PTPRD: variants seen among roughly 807,000 people sequenced by gnomAD.
PTPRD encodes the protein protein tyrosine phosphatase receptor type D.
A neutral mutation model predicts 214.5 loss-of-function variants in PTPRD; 34 were observed. The observed-to-expected ratio is 0.16, with a 90% CI of 0.12 to 0.21. The LOEUF is 0.21. Ranked by LOEUF, PTPRD falls within the 10% of genes least tolerant of loss-of-function variation. The probability of loss-of-function intolerance (pLI) is 1.00; values close to 1 mark genes in which losing one functional copy is unlikely to be tolerated. For synonymous variants in PTPRD, 1,128 were observed against 845.7 expected, an observed-to-expected ratio of 1.33 and a Z score of -5.79; for missense variants, 2,545 against 2,398.7, an observed-to-expected ratio of 1.06 and a Z score of -1.27.
intron 2 of PTPRD, among the ~76,000 whole-genome samples, chr9:10,585,517 T>C (rs2073607171): frequency 6.6e-6 from 1 of 152,052 alleles, no homozygotes; most frequent in Non-Finnish European, 1.5e-5. Flanking sequence ...CCCAAAGAAT[T>C]TCAGGGCTGA....
At chr9:9,163,066 C>T (rs1228594165) in intron 10 of PTPRD, among the ~76,000 whole-genome samples, 3 of 152,066 alleles carry the variant, frequency 2.0e-5, no homozygotes, top group African/African-American at 7.2e-5. Flanking sequence ...TCTACTCTCA[C>T]TTAAAATATT....
chr9:9,343,690 G>C (rs1439033602), intron 9 of PTPRD, among the ~76,000 whole-genome samples: 2 of 151,128 alleles, frequency 1.3e-5, no homozygotes, highest in Admixed American at 6.6e-5. Flanking sequence ...TATGAAAAAT[G>C]TTTCATTCGA....
At chr9:8,352,275 C>T (rs1253954195) in intron 39 of PTPRD, among the ~76,000 whole-genome samples, 1 of 152,216 alleles carries the variant, frequency 6.6e-6, no homozygotes, top group Non-Finnish European at 1.5e-5. Context: ...TCTCATTTTA[C>T]AGATGGATAG....
intron 2 of PTPRD, among the ~76,000 whole-genome samples, chr9:10,533,870 T>C (rs2057098228): frequency 6.6e-6 from 1 of 151,864 alleles, no homozygotes; most frequent in Admixed American, 6.6e-5. Context: ...TTTATAAGCA[T>C]TTCAGAGCAT....
intron 14 of PTPRD, among the ~76,000 whole-genome samples, chr9:8,584,912 C>A (rs921469923): frequency 6.6e-6 from 1 of 152,086 alleles, no homozygotes; most frequent in Admixed American, 6.6e-5. Context: ...GAGCAAAGGG[C>A]GGGAAAAGTC....
intron 11 of PTPRD, among the ~76,000 whole-genome samples, chr9:9,002,841 G>T (rs2099429348): frequency 6.6e-6 from 1 of 152,014 alleles, no homozygotes; most frequent in Admixed American, 6.6e-5. Flanking sequence ...TCAAGTAAGG[G>T]TCACCACAAT....
intron 2 of PTPRD, among the ~76,000 whole-genome samples, chr9:10,414,975 G>A (rs528633428): frequency 6.6e-6 from 1 of 151,464 alleles, no homozygotes; most frequent in Admixed American, 6.6e-5. Context: ...AATAACTATT[G>A]GTTACTAGGT....
intron 10 of PTPRD, among the ~76,000 whole-genome samples, chr9:9,051,955 T>C (rs942171358): frequency 6.6e-6 from 1 of 152,202 alleles, no homozygotes; most frequent in Non-Finnish European, 1.5e-5. Flanking sequence ...GCATGGGATT[T>C]AAGGCAACTG....
At chr9:9,609,391 AC>A (rs2094388032) in intron 7 of PTPRD, among the ~76,000 whole-genome samples, 1 of 152,192 alleles carries the variant, frequency 6.6e-6, no homozygotes, top group South Asian at 2.1e-4. Context: ...AAACAAAAAA[AC>A]AGAAGCACAG....
Position 10,068,650 on chromosome 9 carries a change from G to A in PTPRD, c.-544-34860C>T, listed in dbSNP as rs537703681. On this transcript the variant is annotated intron_variant, in intron 3 of 45. Transcript: ENST00000381196. ...TCTCTAAGTTAATACTTAGAAACTGGTGTAACCACAAGAGCTTTTGATGTA... is the reference window on the plus strand; with the variant it reads ...TCTCTAAGTTAATACTTAGAAACTGATGTAACCACAAGAGCTTTTGATGTA... Among the ~76,000 whole-genome samples, 179 of 151,744 alleles carry A rather than the reference G, an allele frequency of 1.2e-3. 3 individuals carry two copies. The South Asian group carries it at 0.016, about 14-fold the overall frequency.
At chr9:10,392,004 T>C (rs2098077678) in intron 2 of PTPRD, among the ~76,000 whole-genome samples, 1 of 151,808 alleles carries the variant, frequency 6.6e-6, no homozygotes, top group South Asian at 2.1e-4. Context: ...CTTAAACTCT[T>C]TTATGCCTCT....
chr9:10,110,313 T>C (rs901482359), intron 3 of PTPRD, among the ~76,000 whole-genome samples: 7 of 152,326 alleles, frequency 4.6e-5, no homozygotes, highest in African/African-American at 1.7e-4. Context: ...GTTGTTATTA[T>C]TGCTGTCATT....
intron 7 of PTPRD, among the ~76,000 whole-genome samples, chr9:9,648,379 C>T (rs531553477): frequency 6.6e-6 from 1 of 152,250 alleles, no homozygotes; most frequent in African/African-American, 2.4e-5. Context: ...GTTCTTCCTA[C>T]CAAAACAAGG....
At chr9:10,166,731 A>T in intron 3 of PTPRD, among the ~76,000 whole-genome samples, 1 of 152,082 alleles carries the variant, frequency 6.6e-6, no homozygotes, top group Non-Finnish European at 1.5e-5. Context: ...ATTTTCAAGA[A>T]AGTCAGGATA....
intron 12 of PTPRD, among the ~76,000 whole-genome samples, chr9:8,647,273 C>T (rs1262757714): frequency 6.6e-6 from 1 of 152,192 alleles, no homozygotes. Context: ...AATGACTTTA[C>T]TCTTCTAATT....
At chr9:10,254,146 C>A (rs1377142600) in intron 3 of PTPRD, among the ~76,000 whole-genome samples, 1 of 152,148 alleles carries the variant, frequency 6.6e-6, no homozygotes, top group African/African-American at 2.4e-5. Flanking sequence ...CTTTCTCTTC[C>A]TCCAGTTTTA....
Position 8,317,758 on chromosome 9 carries a change from T to G in PTPRD, c.*116A>C. 2.5e-6 allele frequency: 2 copies of G among 815,968 alleles called. No individual in the cohort carries two copies. The highest frequency in any genetic ancestry group is 3.2e-5 in the South Asian group (2 of 62,868). The allele number at this position is 815,968 out of a possible 1,614,324, so 50.5% of individuals were successfully genotyped here. ...TTTGTTTTGTGTGTAATAGTCCCACTAAGTAGTTGTTAGCTAGAAGTTAAG... is the reference window on the plus strand; with the variant it reads ...TTTGTTTTGTGTGTAATAGTCCCACGAAGTAGTTGTTAGCTAGAAGTTAAG... On this transcript the variant is annotated 3_prime_UTR_variant, in exon 46 of 46. Coordinates refer to ENST00000381196, the MANE Select transcript of PTPRD (RefSeq NM_002839.4).
At chr9:9,818,477 A>G (rs1340552668) in intron 5 of PTPRD, among the ~76,000 whole-genome samples, 1 of 152,142 alleles carries the variant, frequency 6.6e-6, no homozygotes, top group Non-Finnish European at 1.5e-5. Context: ...TTTATGAGTA[A>G]TGTTGATGTT....
chr9:9,744,571 C>G (rs1451276792), intron 6 of PTPRD, among the ~76,000 whole-genome samples: 1 of 151,902 alleles, frequency 6.6e-6, no homozygotes, highest in Non-Finnish European at 1.5e-5. Flanking sequence ...AATGTCTTCT[C>G]TAATGACATA....
Sources: allele counts gnomAD v4.1 joint callset (sites outside exome capture counted in the v4.1 genomes callset), GRCh38; gene constraint gnomAD v4.1.1; transcripts MANE v1.5; gene names NCBI Gene and HGNC (gene_info 2026-07-23, HGNC 2026-07-21).